Variants in ADGRD1 observed in about 807,000 individuals in gnomAD.
The protein encoded by ADGRD1 is G-protein coupled receptor 133.
ADGRD1 carries 77 observed loss-of-function variants against 113.4 expected under a neutral mutation model. The ratio of observed to expected loss-of-function variants is 0.68; its 90% CI spans 0.57 to 0.82. The LOEUF (loss-of-function observed/expected upper bound fraction) is 0.82. Among genes scored for constraint, ADGRD1 ranks in the 40% least tolerant of loss-of-function variants. The pLI, the probability that ADGRD1 is intolerant of heterozygous loss-of-function variation, is 0.00. For missense variants in ADGRD1, 1,036 were observed against 1,139.1 expected, an observed-to-expected ratio of 0.91 and a Z score of 1.30; for synonymous variants, 474 against 475.0, an observed-to-expected ratio of 1.00 and a Z score of 0.03.
At chr12:131,015,276 C>T (rs1210814321) in intron 13 of ADGRD1, among the ~76,000 whole-genome samples, 1 of 152,192 alleles carries the variant, frequency 6.6e-6, no homozygotes, top group Non-Finnish European at 1.5e-5. Flanking sequence ...AGAGATGGTA[C>T]TGGAGACGGA....
chr12:130,964,130 G>A (rs926419702), intron 2 of ADGRD1, among the ~76,000 whole-genome samples: 3 of 151,734 alleles, frequency 2.0e-5, no homozygotes, highest in Admixed American at 1.3e-4. Flanking sequence ...TTAATAGTAG[G>A]AGTTGTACTA....
intron 2 of ADGRD1, among the ~76,000 whole-genome samples, chr12:130,963,918 G>C (rs1271659746): frequency 3.9e-5 from 6 of 152,136 alleles, no homozygotes; most frequent in African/African-American, 1.2e-4. Flanking sequence ...CAGAAATGTG[G>C]TGGAAGTTGC....
At chr12:130,981,324 A>T (rs994399692) in intron 4 of ADGRD1, 1 of 152,218 alleles carries the variant, frequency 6.6e-6, no homozygotes, top group Non-Finnish European at 1.5e-5. Context: ...ACAACGTGAC[A>T]GTGTATTTAT....
At position 131,139,383 on chromosome 12, in the gene ADGRD1, G is replaced by A; in HGVS notation, c.*120G>A. The A allele has an allele frequency of 1.4e-6, 1 of 696,194 alleles. No individual in the cohort carries two copies. Among genetic ancestry groups the A allele is most frequent in the Non-Finnish European group, 2.5e-6 (1 of 402,636 alleles). 43.1% of individuals were successfully genotyped at this position (696,194 alleles called of 1,614,324 possible). On this transcript the variant is annotated 3_prime_UTR_variant, in exon 25 of 25. Coordinates refer to ENST00000261654, the MANE Select transcript of ADGRD1 (RefSeq NM_198827.5). ...CTGCTGTCTGGACATGGGTGTTGTG[G>A]CCCCGAGACAGCTGTCCTCCCCTGT...
intron 15 of ADGRD1, among the ~76,000 whole-genome samples, chr12:131,087,584 G>A (rs1886570432): frequency 6.6e-6 from 1 of 152,238 alleles, no homozygotes; most frequent in Non-Finnish European, 1.5e-5. Context: ...TGGGACCCAA[G>A]CCCACCCGTT....
intron 13 of ADGRD1, chr12:131,070,914 G>T: frequency 1.9e-6 from 1 of 518,276 alleles, no homozygotes. Flanking sequence ...CCAGGATGGT[G>T]GAGAAGAGTC....
At chr12:131,043,096 C>T (rs77692371) in intron 13 of ADGRD1, among the ~76,000 whole-genome samples, 2 of 152,214 alleles carry the variant, frequency 1.3e-5, no homozygotes, top group Non-Finnish European at 2.9e-5. Flanking sequence ...AGTACATCAA[C>T]CCAAAGCTGA....
At chr12:130,986,971 C>A (rs913044999) in intron 5 of ADGRD1, 124 bp from the exon 6 acceptor site, 2 of 752,544 alleles carry the variant, frequency 2.7e-6, no homozygotes, top group Non-Finnish European at 4.4e-6. Context: ...TGTATTAGGA[C>A]GCACCACAGT....
At position 131,003,136 on chromosome 12, in the gene ADGRD1, G is replaced by C; in HGVS notation, c.1027-49G>C. On this transcript the variant is annotated intron_variant, in intron 9 of 24. Transcript: ENST00000261654. This position sits in a 1 kb window ranked among gnomAD's most constrained non-coding sequence, Gnocchi z 4.8. ...GCCTGGTGCACCTGCCTGGTGCCCT[G>C]GCTGAGTGGGGTGGATTTTCATGGC... is the stretch of plus-strand genomic sequence containing the variant. 1 of 1,443,602 alleles carries C rather than the reference G, an allele frequency of 6.9e-7. No homozygotes were observed. Among genetic ancestry groups the C allele is most frequent in the Non-Finnish European group, 9.8e-7 (1 of 1,024,984 alleles). The allele number at this position is 1,443,602 out of a possible 1,614,324, so 89.4% of individuals were successfully genotyped here.
intron 21 of ADGRD1, among the ~76,000 whole-genome samples, chr12:131,134,539 G>T (rs914560838): frequency 6.6e-6 from 1 of 152,242 alleles, no homozygotes; most frequent in Non-Finnish European, 1.5e-5. Flanking sequence ...GCTGAATAAT[G>T]CATGATATTG....
rs1180309788 is a variant in ADGRD1 at position 130,987,189 on chromosome 12, A to C, written c.585A>C (p.Gly195=). The C allele has an allele frequency of 6.2e-7, 1 of 1,614,174 alleles. No individual in the cohort carries two copies. The highest frequency in any genetic ancestry group is 2.2e-5 in the East Asian group (1 of 44,892). Residue 195 remains glycine (G), a synonymous_variant, in exon 6 of 25, where the codon GGA becomes GGC. Coordinates refer to ENST00000261654, the MANE Select transcript of ADGRD1 (RefSeq NM_198827.5). The part of the protein sequence containing the change: ...NGTLSTSDPS[G]KVSRDYGESN... ...CCCTGAGCACCTCTGATCCGAGTGGAAAAGTGTCTCGTGACTATGGAGAGT... is the reference window on the plus strand; with the variant it reads ...CCCTGAGCACCTCTGATCCGAGTGGCAAAGTGTCTCGTGACTATGGAGAGT...
At chr12:130,992,492 G>T in intron 8 of ADGRD1, 100 bp downstream of exon 8, 1 of 1,101,152 alleles carries the variant, frequency 9.1e-7, no homozygotes, top group Non-Finnish European at 1.3e-6. Context: ...AAAAAAAGCA[G>T]GAACTTTTAC....
At chr12:130,983,289 G>A (rs1873241523) in intron 5 of ADGRD1, among the ~76,000 whole-genome samples, 1 of 152,122 alleles carries the variant, frequency 6.6e-6, no homozygotes, top group Non-Finnish European at 1.5e-5. Flanking sequence ...GGTGTGCTCG[G>A]ACCAGCTTGT....
intron 2 of ADGRD1, among the ~76,000 whole-genome samples, chr12:130,955,922 G>T (rs1388726937): frequency 2.6e-5 from 4 of 152,186 alleles, no homozygotes; most frequent in Non-Finnish European, 1.5e-5. Context: ...CCAAGCAGCT[G>T]GGATTACAGG....
chr12:131,001,847 C>T (rs370232674), intron 9 of ADGRD1, among the ~76,000 whole-genome samples: 2 of 152,206 alleles, frequency 1.3e-5, no homozygotes, highest in Admixed American at 1.3e-4. Context: ...TGCTCATTCT[C>T]CTAAGCCCTG....
Position 130,954,604 on chromosome 12 carries a change from C to T in ADGRD1, c.67-20C>T. ...AGGCTTTCCCTGAGTGTGTCTCACA[C>T]TGTGGTCTTTTGTGCGCAGGTGCGT... On this transcript the variant is annotated intron_variant, in intron 1 of 24. Transcript: ENST00000261654. The surrounding 1 kb of genome is among the most constrained non-coding windows in gnomAD (Gnocchi z 4.7). The T allele has an allele frequency of 6.2e-7, 1 of 1,614,124 alleles. No homozygotes were observed. Among genetic ancestry groups the T allele is most frequent in the African/African-American group, 1.3e-5 (1 of 75,060 alleles).
Position 131,060,029 on chromosome 12 carries a change from C to T in ADGRD1, c.1474-16772C>T, listed in dbSNP as rs891077433. Among the ~76,000 whole-genome samples, 7 of 152,248 alleles carry T rather than the reference C, an allele frequency of 4.6e-5. No individual in the cohort carries two copies. Among genetic ancestry groups the T allele is most frequent in the Non-Finnish European group, 1.0e-4 (7 of 68,042 alleles). Reference sequence around the variant, plus strand: ...GTTTTAGCAGTCCTTCTCTGATACCCACCACTGGGAAGGGCCATGTGCCGC... The same window carrying T: ...GTTTTAGCAGTCCTTCTCTGATACCTACCACTGGGAAGGGCCATGTGCCGC... On this transcript the variant is annotated intron_variant, in intron 13 of 24. Transcript: ENST00000261654. This position sits in a 1 kb window ranked among gnomAD's most constrained non-coding sequence, Gnocchi z 4.4.
intron 13 of ADGRD1, chr12:131,026,684 A>T (rs1377694659): frequency 1.3e-5 from 2 of 152,218 alleles, no homozygotes; most frequent in Non-Finnish European, 2.9e-5. Flanking sequence ...CATTGCAGGG[A>T]GGGTGTGGAG....
intron 15 of ADGRD1, among the ~76,000 whole-genome samples, chr12:131,085,735 C>T (rs906706420): frequency 5.3e-5 from 8 of 152,148 alleles, no homozygotes; most frequent in African/African-American, 1.7e-4. Context: ...TGTTGGGAAA[C>T]GGCGATCTGT....
Sources: gnomAD v4.1 joint callset for allele counts (sites outside exome capture counted in the v4.1 genomes callset) on GRCh38, gnomAD v4.1.1 for gene constraint, Gnocchi (gnomAD v3.1) non-coding constraint, MANE v1.5 for transcripts, NCBI Gene and HGNC (gene_info 2026-07-23, HGNC 2026-07-21) for gene names.